Variants in TTBK2 observed in about 807,000 individuals in gnomAD.
The protein encoded by TTBK2 is tau tubulin kinase 2.
TTBK2 carries 28 observed loss-of-function variants against 110.8 expected under a neutral mutation model. That is an observed-to-expected ratio of 0.25 (90% confidence interval 0.19 to 0.35). TTBK2 has a LOEUF of 0.35. Among genes scored for constraint, TTBK2 ranks in the 10% least tolerant of loss-of-function variants. The pLI, the probability that TTBK2 is intolerant of heterozygous loss-of-function variation, is 1.00. For missense variants in TTBK2, 1,369 were observed against 1,500.3 expected, an observed-to-expected ratio of 0.91 and a Z score of 1.45; for synonymous variants, 532 against 527.3, an observed-to-expected ratio of 1.01 and a Z score of -0.12.
At chr15:42,870,342 C>T (rs1045676342) in intron 3 of TTBK2, among the ~76,000 whole-genome samples, 1 of 151,990 alleles carries the variant, frequency 6.6e-6, no homozygotes, top group East Asian at 1.9e-4. Context: ...AAGGGCTTCA[C>T]ACTTTAGGGT....
intron 4 of TTBK2, among the ~76,000 whole-genome samples, chr15:42,837,009 A>T (rs1241067886): frequency 6.6e-6 from 1 of 152,188 alleles, no homozygotes; most frequent in Non-Finnish European, 1.5e-5. Flanking sequence ...TGTCACACAA[A>T]AAGTTATATT....
intron 10 of TTBK2, among the ~76,000 whole-genome samples, chr15:42,791,406 A>C (rs896359952): frequency 2.0e-5 from 3 of 152,096 alleles, no homozygotes; most frequent in Non-Finnish European, 4.4e-5. Context: ...GACTCCAACA[A>C]CCTGACTGTT....
intron 7 of TTBK2, among the ~76,000 whole-genome samples, chr15:42,816,112 A>ATATATG (rs1555427684): frequency 1.6e-5 from 2 of 122,910 alleles, no homozygotes; most frequent in African/African-American, 7.0e-5. Flanking sequence ...ATATATATAT[A>ATATATG]TATATATGTG....
intron 4 of TTBK2, among the ~76,000 whole-genome samples, chr15:42,837,126 G>A (rs555097065): frequency 2.4e-4 from 37 of 152,224 alleles, no homozygotes; most frequent in African/African-American, 7.7e-4. Flanking sequence ...TTGGGAGACC[G>A]AGGTGGGCAG....
intron 9 of TTBK2, among the ~76,000 whole-genome samples, chr15:42,807,194 G>T (rs1211865996): frequency 6.6e-6 from 1 of 152,128 alleles, no homozygotes; most frequent in African/African-American, 2.4e-5. Flanking sequence ...AATGAAGCTT[G>T]CTTAGCTTTG....
chr15:42,792,606 T>C (rs1890742460), intron 10 of TTBK2, among the ~76,000 whole-genome samples: 1 of 152,222 alleles, frequency 6.6e-6, no homozygotes, highest in African/African-American at 2.4e-5. Context: ...GAAAGACAGC[T>C]GGAGTATGGC....
intron 3 of TTBK2, among the ~76,000 whole-genome samples, chr15:42,868,679 A>T (rs2141105825): frequency 6.6e-6 from 1 of 150,460 alleles, no homozygotes; most frequent in South Asian, 2.1e-4. Flanking sequence ...CAACAAAGCC[A>T]GACTCTACAT....
rs1339849255 is a variant in TTBK2 at position 42,816,081 on chromosome 15, AATAAATATATAT to A, written c.603+939_603+950del. Among the ~76,000 whole-genome samples the A allele has an allele frequency of 4.0e-4, 24 of 60,296 alleles. 1 individual carries two copies. Among genetic ancestry groups the A allele is most frequent in the South Asian group, 2.3e-3 (4 of 1,728 alleles). The allele number at this position is 60,296 out of a possible 152,430, so 39.6% of individuals were successfully genotyped here. A position where few individuals can be genotyped will look rare whatever the true frequency, so the allele number is the denominator to read the frequency against. On this transcript the variant is annotated intron_variant, in intron 7 of 14. Coordinates refer to ENST00000267890, the MANE Select transcript of TTBK2 (RefSeq NM_173500.4). ...AAATATATATATATAAAAATAAATA[AATAAATATATAT>A]ATATATATATATATATATATATATA...
At chr15:42,838,734 T>A (rs1349356193) in intron 4 of TTBK2, among the ~76,000 whole-genome samples, 1 of 152,078 alleles carries the variant, frequency 6.6e-6, no homozygotes, top group African/African-American at 2.4e-5. Context: ...AAGAATCGCT[T>A]GAACCTGGGA....
At chr15:42,825,041 G>A (rs1371640098) in intron 6 of TTBK2, among the ~76,000 whole-genome samples, 1 of 152,110 alleles carries the variant, frequency 6.6e-6, no homozygotes, top group Non-Finnish European at 1.5e-5. Context: ...GAGCCCAGTA[G>A]TTTGAGGCTA....
intron 6 of TTBK2, among the ~76,000 whole-genome samples, chr15:42,819,154 C>T (rs1254593333): frequency 2.7e-5 from 4 of 149,934 alleles, no homozygotes; most frequent in Admixed American, 2.6e-4. Context: ...CTTTTGTAGT[C>T]AGAAAAGATA....
At chr15:42,763,088 A>ATATATATATATATACG (rs2062055873) in intron 13 of TTBK2, among the ~76,000 whole-genome samples, 1 of 122,768 alleles carries the variant, frequency 8.1e-6, no homozygotes, top group Non-Finnish European at 1.6e-5. Context: ...ACAATTTTAT[A>ATATATATATATATACG]TATATATATA....
chr15:42,808,338 C>G (rs1891565327), intron 9 of TTBK2, among the ~76,000 whole-genome samples: 1 of 152,156 alleles, frequency 6.6e-6, no homozygotes, highest in Admixed American at 6.6e-5. Context: ...GAAAGTGGCT[C>G]TGTAAAACTG....
At chr15:42,855,547 G>A (rs1006237097) in intron 3 of TTBK2, among the ~76,000 whole-genome samples, 7 of 152,080 alleles carry the variant, frequency 4.6e-5, no homozygotes, top group Non-Finnish European at 5.9e-5. Flanking sequence ...TGAAAGATAC[G>A]AAATTTAAGC....
chr15:42,821,751 G>A (rs1892314110), intron 6 of TTBK2, among the ~76,000 whole-genome samples: 1 of 148,032 alleles, frequency 6.8e-6, no homozygotes, highest in Admixed American at 6.8e-5. Context: ...GTGCGGTGGC[G>A]TGATCTTGGC....
chr15:42,815,958 A>ATATATATATATTTAAAAAAAAAT (rs1555427627), intron 7 of TTBK2, among the ~76,000 whole-genome samples: 1 of 91,716 alleles, frequency 1.1e-5, no homozygotes, highest in Non-Finnish European at 1.9e-5. Context: ...TTAAAAAAAA[A>ATATATATATATTTAAAAAAAAAT]ATATATATAT....
Position 42,898,834 on chromosome 15 carries a change from G to A in TTBK2, c.-67-20150C>T, listed in dbSNP as rs146622714. Among the ~76,000 whole-genome samples, 17 of 152,298 alleles carry A rather than the reference G, an allele frequency of 1.1e-4. No homozygotes were observed. In the East Asian group the frequency reaches 3.3e-3, roughly 29 times the overall value. ...TGTGGAGGTAAATACCAAAAGTACT[G>A]AAAGTGAATACTTCCCAAAGGATGA... is the stretch of plus-strand genomic sequence containing the variant. On this transcript the variant is annotated intron_variant, in intron 1 of 14. Transcript: ENST00000267890.
intron 9 of TTBK2, chr15:42,802,419 C>T (rs749278398): frequency 1.8e-5 from 13 of 729,920 alleles, no homozygotes; most frequent in Admixed American, 7.0e-5. Context: ...TGGAGGCAGG[C>T]GGGCCGAACC....
chr15:42,920,983 C>G (rs896877141), upstream of TTBK2, among the ~76,000 whole-genome samples: 1 of 152,230 alleles, frequency 6.6e-6, no homozygotes, highest in Non-Finnish European at 1.5e-5. Context: ...CTCCGCCCCC[C>G]ACCGGAGAAT....
Sources: gnomAD v4.1 joint callset for allele counts (sites outside exome capture counted in the v4.1 genomes callset) on GRCh38, gnomAD v4.1.1 for gene constraint, MANE v1.5 for transcripts, NCBI Gene and HGNC (gene_info 2026-07-23, HGNC 2026-07-21) for gene names.